HIVEP1: variants seen among roughly 807,000 people sequenced by gnomAD.
HIVEP1 encodes zinc finger protein 40.
Under a neutral mutation model 180.0 loss-of-function variants are expected in HIVEP1, and 36 were observed. That is an observed-to-expected ratio of 0.20 (90% CI 0.15 to 0.26). The LOEUF (loss-of-function observed/expected upper bound fraction) is 0.26. Among genes scored for constraint, HIVEP1 ranks in the 10% least tolerant of loss-of-function variants. HIVEP1 has a pLI of 1.00. For synonymous variants in HIVEP1, 1,239 were observed against 1,239.0 expected (o/e 1.00, Z 0.00); for missense variants, 3,143 against 3,268.7 (o/e 0.96, Z 0.94).
Position 12,161,777 on chromosome 6 carries a change from A to C in HIVEP1, c.6826A>C (p.Lys2276Gln). 2 of 1,614,126 alleles carry C rather than the reference A, an allele frequency of 1.2e-6. No individual in the cohort carries two copies. The highest frequency in any genetic ancestry group is 2.2e-5 in the South Asian group (2 of 91,072). The change falls in exon 8 of 9, where the codon AAG becomes CAG. Residue 2276 changes from lysine (K) to glutamine (Q), a missense_variant. Lys to Gln is a moderately conservative substitution (Grantham distance 53). This residue lies in a region of HIVEP1 where 595 missense variants were observed against 602.2 expected (regional missense o/e 0.99). Transcript: ENST00000379388. Reference protein sequence around the residue: ...DYNRKTLSPGKARQRAARDEN... With the variant: ...DYNRKTLSPGQARQRAARDEN... ...CAATAGGAAGACACTCTCTCCGGGG[A>C]AGGCCAGGCAGCGTGCTGCGAGAGA... is the stretch of plus-strand genomic sequence containing the variant.
intron 5 of HIVEP1, 25 bp downstream of exon 5, chr6:12,129,917 A>C (rs774274276): frequency 8.2e-6 from 12 of 1,467,398 alleles, no homozygotes; most frequent in Admixed American, 1.9e-5. Context: ...TACTTCTTAA[A>C]TGTACATTTA....
chr6:12,096,216 A>G (rs567774960), intron 3 of HIVEP1, among the ~76,000 whole-genome samples: 2 of 152,180 alleles, frequency 1.3e-5, no homozygotes, highest in East Asian at 3.9e-4. Context: ...ATATAAGAGT[A>G]AGAGGGCCTA....
At chr6:12,035,587 G>T (rs1392745586) in intron 2 of HIVEP1, among the ~76,000 whole-genome samples, 1 of 152,166 alleles carries the variant, frequency 6.6e-6, no homozygotes, top group East Asian at 1.9e-4. Context: ...CTTCTAAAGT[G>T]AATCTTATTT....
chr6:12,036,052 G>A (rs575089582), intron 2 of HIVEP1, among the ~76,000 whole-genome samples: 10 of 152,182 alleles, frequency 6.6e-5, no homozygotes, highest in Non-Finnish European at 1.3e-4. Context: ...CCACGCATTT[G>A]CTATTTTAAA....
At chr6:12,025,539 A>C (rs1768522149) in intron 2 of HIVEP1, among the ~76,000 whole-genome samples, 1 of 152,206 alleles carries the variant, frequency 6.6e-6, no homozygotes, top group Non-Finnish European at 1.5e-5. Context: ...TTAAGTGGGA[A>C]TCTCCGCCTA....
At chr6:12,024,722 T>G (rs141598039) in intron 2 of HIVEP1, among the ~76,000 whole-genome samples, 45 of 152,314 alleles carry the variant, frequency 3.0e-4, no homozygotes, top group African/African-American at 1.0e-3. Flanking sequence ...TTTGATAGTT[T>G]AAAGATAAAG....
At position 12,015,613 on chromosome 6, in the gene HIVEP1, CCCTG is replaced by C. The variant is rs1767689927; in HGVS notation, c.-15_-12del. On this transcript the variant is annotated 5_prime_UTR_variant, in exon 2 of 9. It removes the in-frame stop codon of an upstream open reading frame in the 5' UTR. Coordinates refer to ENST00000379388, the MANE Select transcript of HIVEP1 (RefSeq NM_002114.4). ...GCAGTTTTTAAGAAGAAAAAGAAGG[CCCTG>C]AGTCAAAGAAGATGCCTCGAACTAA... The C allele has an allele frequency of 6.2e-7, 1 of 1,611,812 alleles. No homozygotes were observed. The highest frequency in any genetic ancestry group is 8.5e-7 in the Non-Finnish European group (1 of 1,178,548).
At chr6:12,091,543 A>T (rs558664941) in intron 3 of HIVEP1, among the ~76,000 whole-genome samples, 206 of 152,242 alleles carry the variant, frequency 1.4e-3, no homozygotes, top group Non-Finnish European at 1.8e-3. Flanking sequence ...TTAATAGATT[A>T]AAAAAGACAT....
intron 2 of HIVEP1, among the ~76,000 whole-genome samples, chr6:12,069,962 G>GACAC (rs146472999): frequency 2.5e-4 from 38 of 151,160 alleles, no homozygotes; most frequent in African/African-American, 8.5e-4. Flanking sequence ...TAAGAACTAA[G>GACAC]ACACACACAC....
At chr6:12,149,687 A>G (rs542522734) in intron 7 of HIVEP1, among the ~76,000 whole-genome samples, 35 of 152,180 alleles carry the variant, frequency 2.3e-4, no homozygotes, top group African/African-American at 8.2e-4. Context: ...ATTTCTTTCT[A>G]ATTAATGTCA....
intron 2 of HIVEP1, among the ~76,000 whole-genome samples, chr6:12,033,097 T>G (rs565866563): frequency 5.9e-5 from 9 of 152,362 alleles, no homozygotes; most frequent in African/African-American, 1.9e-4. Context: ...TCACTTTCAG[T>G]ACAGTATTCA....
chr6:12,044,393 TG>T (rs1769978738), intron 2 of HIVEP1, among the ~76,000 whole-genome samples: 1 of 152,234 alleles, frequency 6.6e-6, no homozygotes, highest in African/African-American at 2.4e-5. Context: ...CAGTTTTTTT[TG>T]TTGGCACCAA....
chr6:12,167,717 T>TACATATATGTGTATA (rs1562023887), downstream of HIVEP1, among the ~76,000 whole-genome samples: 1 of 83,270 alleles, frequency 1.2e-5, no homozygotes, highest in African/African-American at 4.3e-5. Flanking sequence ...ATATGCATAA[T>TACATATATGTGTATA]ATATATACAT....
chr6:12,051,687 TGGTGGGGAGGGTGGTACATGAATG>T (rs1253735155), intron 2 of HIVEP1, among the ~76,000 whole-genome samples: 1 of 148,806 alleles, frequency 6.7e-6, no homozygotes, highest in African/African-American at 2.4e-5. Context: ...GGAAGGGAGG[TGGTGGGGAGGGTGGTACATGAATG>T]GGTATTACTA....
Position 12,153,992 on chromosome 6 carries a change from G to A in HIVEP1, c.6488-7447G>A, listed in dbSNP as rs182509648. On this transcript the variant is annotated intron_variant, in intron 7 of 8. Transcript: ENST00000379388. Reference sequence around the variant, plus strand: ...GTGAAACCCCGTCTCTACTAAAAGTGCAAAAATTAGCCAGGCATGGTGGCG... The same window carrying A: ...GTGAAACCCCGTCTCTACTAAAAGTACAAAAATTAGCCAGGCATGGTGGCG... 8.7e-3 allele frequency among the ~76,000 whole-genome samples: 1,326 copies of A among 152,272 alleles called. 56 individuals carry two copies. The highest frequency in any genetic ancestry group is 0.078 in the Admixed American group (1,191 of 15,304).
At chr6:12,052,526 A>G (rs1239332409) in intron 2 of HIVEP1, among the ~76,000 whole-genome samples, 2 of 152,260 alleles carry the variant, frequency 1.3e-5, no homozygotes, top group East Asian at 3.8e-4. Flanking sequence ...GAGCTAACAT[A>G]CATTGAGTAT....
the HIVEP1 span, among the ~76,000 whole-genome samples, chr6:12,184,749 T>C: frequency 6.6e-6 from 1 of 152,306 alleles, no homozygotes; most frequent in South Asian, 2.1e-4. Context: ...ATTCCACCAA[T>C]AAAATCAAAA....
At chr6:12,023,584 A>T (rs1449539623) in intron 2 of HIVEP1, among the ~76,000 whole-genome samples, 1 of 152,256 alleles carries the variant, frequency 6.6e-6, no homozygotes, top group African/African-American at 2.4e-5. Flanking sequence ...AGGAGCGATC[A>T]TGTAGATAGC....
intron 2 of HIVEP1, among the ~76,000 whole-genome samples, chr6:12,017,438 A>G (rs1373833093): frequency 6.6e-6 from 1 of 152,258 alleles, no homozygotes; most frequent in Non-Finnish European, 1.5e-5. Context: ...TATAGCTCAT[A>G]AAGGCAGTAC....
Sources: gnomAD v4.1 joint callset for allele counts (sites outside exome capture counted in the v4.1 genomes callset) on GRCh38, gnomAD v4.1.1 for gene constraint, gnomAD v4.1.1 regional missense constraint, MANE v1.5 for transcripts, NCBI Gene and HGNC (gene_info 2026-07-23, HGNC 2026-07-21) for gene names.